PLCB4: variants seen among roughly 807,000 people sequenced by gnomAD.
PLCB4 encodes 1-phosphatidylinositol 4,5-bisphosphate phosphodiesterase beta-4.
Under a neutral mutation model 178.8 loss-of-function variants are expected in PLCB4, and 77 were observed. The observed-to-expected ratio is 0.43, with a 90% confidence interval of 0.36 to 0.52. The LOEUF is 0.52. PLCB4 is among the 20% of genes least tolerant of loss of function. PLCB4 has a pLI of 0.00. For synonymous variants in PLCB4, 496 were observed against 490.8 expected (o/e 1.01, Z -0.14); for missense variants, 1,024 against 1,453.4 (o/e 0.70, Z 4.80).
At chr20:9,143,474 C>T (rs1199818434) in intron 2 of PLCB4, among the ~76,000 whole-genome samples, 2 of 152,016 alleles carry the variant, frequency 1.3e-5, no homozygotes, top group Admixed American at 1.3e-4. Context: ...GCAAATAGAA[C>T]CTGAAATATA....
At chr20:9,349,786 G>A (rs1366576611) in intron 7 of PLCB4, among the ~76,000 whole-genome samples, 1 of 152,200 alleles carries the variant, frequency 6.6e-6, no homozygotes, top group Non-Finnish European at 1.5e-5. Flanking sequence ...TGGCCCCTGG[G>A]AGAGAAAAAT....
At chr20:9,094,395 A>C (rs2090813921) in intron 1 of PLCB4, among the ~76,000 whole-genome samples, 3 of 152,194 alleles carry the variant, frequency 2.0e-5, no homozygotes, top group Admixed American at 2.0e-4. Flanking sequence ...TTGATTTTTA[A>C]AATTTTTGCC....
chr20:9,465,673 T>C (rs577392431), intron 35 of PLCB4, among the ~76,000 whole-genome samples: 2 of 152,298 alleles, frequency 1.3e-5, no homozygotes, highest in African/African-American at 4.8e-5. Context: ...ATGAGTGAGC[T>C]TCCATTTGCA....
intron 2 of PLCB4, among the ~76,000 whole-genome samples, chr20:9,105,100 CCTAAAAAG>C (rs2091314000): frequency 6.6e-6 from 1 of 151,960 alleles, no homozygotes; most frequent in Non-Finnish European, 1.5e-5. Flanking sequence ...TTTAGACTCA[CCTAAAAAG>C]CTATTAGAAG....
chr20:9,444,325 C>T lies in PLCB4; in HGVS notation c.2880+82C>T. ...AAAAACACTACTTTGAAGCTGATAC[C>T]AGACCACTTAACAGTAATAACTCAT... is the stretch of plus-strand genomic sequence containing the variant. On this transcript the variant is annotated intron_variant, in intron 32 of 39. Coordinates refer to ENST00000378473, the MANE Select transcript of PLCB4 (RefSeq NM_001377142.1). 7 of 805,836 alleles carry T rather than the reference C, an allele frequency of 8.7e-6. No homozygotes were observed. In the South Asian group the frequency reaches 9.2e-5, roughly 11 times the overall value. 49.9% of individuals were successfully genotyped at this position (805,836 alleles called of 1,614,324 possible).
intron 28 of PLCB4, among the ~76,000 whole-genome samples, chr20:9,432,074 T>C (rs1431909038): frequency 6.6e-6 from 1 of 152,134 alleles, no homozygotes; most frequent in Non-Finnish European, 1.5e-5. Flanking sequence ...ATATAGAAAA[T>C]CAATGTGACA....
intron 1 of PLCB4, among the ~76,000 whole-genome samples, chr20:9,091,577 T>C (rs928468729): frequency 6.6e-6 from 1 of 151,538 alleles, no homozygotes; most frequent in Non-Finnish European, 1.5e-5. Context: ...AAAAGTGACC[T>C]CAGGTGAGCT....
chr20:9,163,632 G>T (rs2092924269), intron 2 of PLCB4, among the ~76,000 whole-genome samples: 2 of 150,766 alleles, frequency 1.3e-5, no homozygotes, highest in Admixed American at 6.6e-5. Context: ...AAAATATTAT[G>T]CTTATAGATT....
intron 35 of PLCB4, among the ~76,000 whole-genome samples, chr20:9,464,858 G>A (rs1338248582): frequency 6.6e-6 from 1 of 152,210 alleles, no homozygotes; most frequent in Non-Finnish European, 1.5e-5. Context: ...GAGATACAAA[G>A]AGGAGCTGAT....
intron 9 of PLCB4, among the ~76,000 whole-genome samples, chr20:9,369,355 CAAACTTTTTATG>C (rs768358075): frequency 8.5e-4 from 129 of 152,296 alleles, no homozygotes; most frequent in Middle Eastern, 6.8e-3. Flanking sequence ...TAGGTTAACA[CAAACTTTTTATG>C]AAATAATAGT....
chr20:9,082,690 T>G (rs1014431953), intron 1 of PLCB4, among the ~76,000 whole-genome samples: 1 of 152,210 alleles, frequency 6.6e-6, no homozygotes, highest in Non-Finnish European at 1.5e-5. Flanking sequence ...TTTCCTTTTA[T>G]TTAGAGACTT....
chr20:9,399,025 C>T (rs6140931), intron 19 of PLCB4, among the ~76,000 whole-genome samples: 51,025 of 151,942 alleles, frequency 0.34, 8,737 homozygotes, highest in African/African-American at 0.41. Flanking sequence ...AAGAATAGAA[C>T]GAATGAAAGT....
chr20:9,314,727 A>T (rs997371628), intron 4 of PLCB4, among the ~76,000 whole-genome samples: 1 of 152,166 alleles, frequency 6.6e-6, no homozygotes, highest in Non-Finnish European at 1.5e-5. Flanking sequence ...ACATGGGCGC[A>T]TCTTCCTCTC....
chr20:9,440,113 G>C (rs574377362), intron 30 of PLCB4, among the ~76,000 whole-genome samples: 2 of 152,342 alleles, frequency 1.3e-5, no homozygotes, highest in Admixed American at 1.3e-4. Flanking sequence ...GGTAGTTGCA[G>C]TGTTCTAAAA....
At chr20:9,240,017 A>AT (rs1388945754) in intron 3 of PLCB4, among the ~76,000 whole-genome samples, 1 of 152,150 alleles carries the variant, frequency 6.6e-6, no homozygotes, top group Non-Finnish European at 1.5e-5. Context: ...GCCTGCCCAG[A>AT]TTGAGGGTGG....
intron 11 of PLCB4, 127 bp downstream of exon 11, chr20:9,372,530 AT>A: frequency 1.9e-6 from 1 of 540,324 alleles, no homozygotes; most frequent in Non-Finnish European, 3.3e-6. Context: ...TCAGGGTTAC[AT>A]TTTTAACCCC....
chr20:9,402,410 C>T (rs977731415), intron 20 of PLCB4, among the ~76,000 whole-genome samples: 3 of 151,990 alleles, frequency 2.0e-5, no homozygotes, highest in Admixed American at 6.6e-5. Context: ...TGGAGTGAGA[C>T]GAGATGAGGC....
At chr20:9,373,860 C>T (rs890869234) in intron 12 of PLCB4, among the ~76,000 whole-genome samples, 1 of 152,152 alleles carries the variant, frequency 6.6e-6, no homozygotes, top group Non-Finnish European at 1.5e-5. Context: ...AAAGTTTTCC[C>T]TTCAGTGAAA....
intron 1 of PLCB4, among the ~76,000 whole-genome samples, chr20:9,074,671 G>T (rs1447122415): frequency 6.6e-6 from 1 of 152,026 alleles, no homozygotes; most frequent in Non-Finnish European, 1.5e-5. Context: ...GACTGCATTT[G>T]GACAGAGGGA....
Sources: allele counts gnomAD v4.1 joint callset (sites outside exome capture counted in the v4.1 genomes callset), GRCh38; gene constraint gnomAD v4.1.1; transcripts MANE v1.5; gene names NCBI Gene and HGNC (gene_info 2026-07-23, HGNC 2026-07-21).